The following CFAP54 variants were observed in gnomAD, a reference collection of about 807,000 sequenced individuals.
CFAP54 encodes the protein cilia and flagella associated protein 54.
In CFAP54, 290 loss-of-function variants were observed where a neutral mutation model predicts 370.4. The ratio of observed to expected loss-of-function variants is 0.78; its 90% CI spans 0.71 to 0.86. The LOEUF (loss-of-function observed/expected upper bound fraction) is 0.86, where lower values mean the gene tolerates loss of function less well. Ranked by LOEUF, CFAP54 falls within the 40% of genes least tolerant of loss-of-function variation. The pLI is 0.00. For missense variants in CFAP54, 3,399 were observed against 3,528.7 expected (o/e 0.96, Z 0.93); for synonymous variants, 1,206 against 1,236.5 (o/e 0.98, Z 0.52).
rs1484930988 is a variant in CFAP54, at chr12:96,644,392, T to C, written c.4531T>C (p.Ser1511Pro). Residue 1511 changes from serine (S) to proline (P), a missense_variant, in exon 33 of 68, where the codon TCA becomes CCA. Ser to Pro is a moderately conservative substitution (Grantham distance 74, BLOSUM62 -1). This residue lies in a region of CFAP54 where 2,796 missense variants were observed against 2,869.7 expected (regional missense o/e 0.97). Coordinates refer to ENST00000524981, the MANE Select transcript of CFAP54 (RefSeq NM_001306084.2). Reference protein sequence around the residue: ...WECTKMKFGTSHMMVSFRSCD... With the variant: ...WECTKMKFGTPHMMVSFRSCD... ...GTGTACGAAGATGAAATTTGGCACA[T>C]CACATATGATGGTCAGGTATAGTAT... 6.5e-7 allele frequency: 1 copy of C among 1,533,450 alleles called. No homozygotes were observed. Among genetic ancestry groups the C allele is most frequent in the Admixed American group, 2.0e-5 (1 of 50,954 alleles). The allele number at this position is 1,533,450 out of a possible 1,614,324, so 95.0% of individuals were successfully genotyped here.
chr12:96,564,286 A>G (rs1024868572), intron 17 of CFAP54, among the ~76,000 whole-genome samples, 182 bp from the exon 18 acceptor site: 1 of 152,224 alleles, frequency 6.6e-6, no homozygotes, highest in African/African-American at 2.4e-5. Context: ...TACTGTGGCA[A>G]ATAAAAGAGG....
At chr12:96,641,938 C>T (rs7961765) in intron 32 of CFAP54, among the ~76,000 whole-genome samples, 6 of 137,734 alleles carry the variant, frequency 4.4e-5, no homozygotes, top group East Asian at 4.4e-4. Flanking sequence ...TGGGGTGGTG[C>T]GGGGGGGGAG....
Position 96,551,268 on chromosome 12 carries a change from G to T in CFAP54, c.2155-2914G>T, listed in dbSNP as rs143572257. Among the ~76,000 whole-genome samples, 76 of 151,956 alleles carry T rather than the reference G, an allele frequency of 5.0e-4. 1 individual carries two copies. The East Asian group carries it at 0.013, about 26-fold the overall frequency. ...GAGACCCTGTTGCATAACAAAACAA[G>T]ACAAAAAACCCTCCCCAAACCCAAA... On this transcript the variant is annotated intron_variant, in intron 15 of 67. Coordinates refer to ENST00000524981, the MANE Select transcript of CFAP54 (RefSeq NM_001306084.2).
At chr12:96,677,608 G>A (rs74728385) in intron 39 of CFAP54, among the ~76,000 whole-genome samples, 1 of 152,252 alleles carries the variant, frequency 6.6e-6, no homozygotes, top group East Asian at 1.9e-4. Context: ...GGGAGATGGT[G>A]GGGACAGGGC....
intron 50 of CFAP54, among the ~76,000 whole-genome samples, chr12:96,738,653 C>G (rs1458007815): frequency 6.8e-6 from 1 of 147,120 alleles, no homozygotes; most frequent in African/African-American, 2.5e-5. Context: ...ACTCTGTCGC[C>G]GGGCTGGAGT....
At chr12:96,841,656 T>C (rs1393475255) in intron 66 of CFAP54, among the ~76,000 whole-genome samples, 2 of 152,272 alleles carry the variant, frequency 1.3e-5, no homozygotes, top group Non-Finnish European at 2.9e-5. Flanking sequence ...TATGTCCTTT[T>C]CTCAACCACT....
chr12:96,614,045 G>A (rs554616196), intron 26 of CFAP54, among the ~76,000 whole-genome samples: 17 of 152,126 alleles, frequency 1.1e-4, no homozygotes, highest in Non-Finnish European at 1.9e-4. Flanking sequence ...CCAAAGCCGG[G>A]CAGAGACACA....
At chr12:96,728,072 G>T (rs1442698244) in intron 50 of CFAP54, among the ~76,000 whole-genome samples, 1 of 152,186 alleles carries the variant, frequency 6.6e-6, no homozygotes, top group African/African-American at 2.4e-5. Context: ...GCTTCCCTTT[G>T]TGGGTAACCC....
rs1224222364 is a variant in CFAP54 at position 96,545,973 on chromosome 12, T to C, written c.2078-1929T>C. On this transcript the variant is annotated intron_variant, in intron 14 of 67. Transcript: ENST00000524981. ...TTTATCTGTATCCTTTGTAATAGCC[T>C]TTATGATAAAGTGATAAACATAACT... Among the ~76,000 whole-genome samples, 5 of 152,306 alleles carry C rather than the reference T, an allele frequency of 3.3e-5. No homozygotes were observed. In the South Asian group the frequency reaches 8.3e-4, roughly 25 times the overall value.
rs201644756 is a variant in CFAP54 at position 96,768,392 on chromosome 12, G to T, written c.8281+3174G>T. The stretch of plus-strand genomic sequence containing the variant: ...AATAGGCTGGGTGCGGTGGGTTATG[G>T]CTATAATCCTGGCACTTTGGAAGGC... On this transcript the variant is annotated intron_variant, in intron 60 of 67. Coordinates refer to ENST00000524981, the MANE Select transcript of CFAP54 (RefSeq NM_001306084.2). Among the ~76,000 whole-genome samples, 7 of 151,950 alleles carry T rather than the reference G, an allele frequency of 4.6e-5. No individual in the cohort carries two copies. The East Asian group carries it at 1.4e-3, about 30-fold the overall frequency.
Position 96,644,261 on chromosome 12 carries a change from G to A in CFAP54, c.4400G>A (p.Arg1467Lys). Residue 1467 changes from arginine to lysine, a missense_variant, in exon 33 of 68, where the codon AGA becomes AAA. Arg to Lys is a conservative substitution (Grantham distance 26). Around this residue, in one of 3 missense-constraint regions of CFAP54, gnomAD observed 2,796 missense variants for 2,869.7 expected, o/e 0.97. Coordinates refer to ENST00000524981, the MANE Select transcript of CFAP54 (RefSeq NM_001306084.2). ...LNPLILSYVK[R>K]KRFHRLSLEE... Reference sequence around the variant, plus strand: ...CCTCTAATATTAAGTTATGTTAAAAGAAAGAGGTTCCATCGTCTATCACTT... The same window carrying A: ...CCTCTAATATTAAGTTATGTTAAAAAAAAGAGGTTCCATCGTCTATCACTT... The A allele has an allele frequency of 1.3e-6, 2 of 1,535,860 alleles. No individual in the cohort carries two copies. The highest frequency in any genetic ancestry group is 1.7e-6 in the Non-Finnish European group (2 of 1,146,714).
intron 25 of CFAP54, among the ~76,000 whole-genome samples, chr12:96,596,183 C>A (rs1379062100): frequency 1.3e-5 from 2 of 152,108 alleles, no homozygotes; most frequent in African/African-American, 4.8e-5. Context: ...TCAATGCATA[C>A]CTTTTAATAT....
chr12:96,624,556 C>A (rs1379837302), intron 28 of CFAP54, among the ~76,000 whole-genome samples: 1 of 152,204 alleles, frequency 6.6e-6, no homozygotes, highest in Admixed American at 6.5e-5. Flanking sequence ...TGGAAGGTTA[C>A]TTGGGAAATT....
intron 63 of CFAP54, among the ~76,000 whole-genome samples, chr12:96,798,603 T>A (rs146372455): frequency 7.0e-4 from 106 of 152,284 alleles, no homozygotes; most frequent in Middle Eastern, 3.4e-3. Context: ...GGAACTAAAC[T>A]GCCTAGGTTT....
intron 32 of CFAP54, among the ~76,000 whole-genome samples, chr12:96,631,639 T>C (rs1370291786): frequency 6.7e-6 from 1 of 150,300 alleles, no homozygotes; most frequent in Non-Finnish European, 1.5e-5. Flanking sequence ...ATTGTATACA[T>C]ATTTCTGTGT....
intron 3 of CFAP54, among the ~76,000 whole-genome samples, chr12:96,506,519 T>G (rs997507721): frequency 6.6e-5 from 10 of 151,822 alleles, no homozygotes; most frequent in African/African-American, 2.2e-4. Context: ...TCCATTTTAG[T>G]TTTTTACATT....
At chr12:96,526,698 A>G (rs1407084935) in intron 8 of CFAP54, among the ~76,000 whole-genome samples, 1 of 152,170 alleles carries the variant, frequency 6.6e-6, no homozygotes, top group African/African-American at 2.4e-5. Context: ...CAACCTTTTA[A>G]TGCTGCCTTG....
chr12:96,634,975 T>C (rs1176130813), intron 32 of CFAP54, among the ~76,000 whole-genome samples: 1 of 152,228 alleles, frequency 6.6e-6, no homozygotes, highest in East Asian at 1.9e-4. Flanking sequence ...TTCCCTTTCT[T>C]GATTACTGTT....
chr12:96,659,141 T>G (rs1438693798), intron 38 of CFAP54, among the ~76,000 whole-genome samples: 1 of 152,200 alleles, frequency 6.6e-6, no homozygotes, highest in Non-Finnish European at 1.5e-5. Context: ...CAATTCAGTT[T>G]CTACACAATG....
Sources: allele counts gnomAD v4.1 joint callset (sites outside exome capture counted in the v4.1 genomes callset), GRCh38; gene constraint gnomAD v4.1.1; regional missense constraint gnomAD v4.1.1; transcripts MANE v1.5; gene names NCBI Gene and HGNC (gene_info 2026-07-23, HGNC 2026-07-21).